Variants in GPC5 observed in about 807,000 individuals in gnomAD.
GPC5 encodes glypican 5.
GPC5 carries 47 observed loss-of-function variants against 53.9 expected under a neutral mutation model. The observed-to-expected ratio is 0.87, with a 90% CI of 0.69 to 1.11. The LOEUF is 1.11. Ranked by LOEUF, GPC5 falls within the 50% of genes most tolerant of loss-of-function variation. GPC5 has a pLI of 0.00. For missense variants in GPC5, 748 were observed against 713.1 expected (o/e 1.05, Z -0.56); for synonymous variants, 286 against 263.3 (o/e 1.09, Z -0.84).
At chr13:91,939,359 T>C (rs928575424) in intron 6 of GPC5, among the ~76,000 whole-genome samples, 3 of 152,184 alleles carry the variant, frequency 2.0e-5, no homozygotes, top group Admixed American at 2.0e-4. Context: ...AGAGTAGTTT[T>C]ACTTACTCTG....
rs563528781 is a variant in GPC5 at position 92,555,406 on chromosome 13, G to A, written c.1562-310876G>A. ...AGATACCTAAAATTACTTAGCAAAA[G>A]TCAAATGTCCATTCATTATTTGGTA... On this transcript the variant is annotated intron_variant, in intron 7 of 7. Coordinates refer to ENST00000377067, the MANE Select transcript of GPC5 (RefSeq NM_004466.6). Among the ~76,000 whole-genome samples, 107 of 151,432 alleles carry A rather than the reference G, an allele frequency of 7.1e-4. 1 individual carries two copies. The highest frequency in any genetic ancestry group is 2.5e-3 in the African/African-American group (102 of 41,446).
intron 1 of GPC5, among the ~76,000 whole-genome samples, chr13:91,418,791 G>T (rs755055871): frequency 6.6e-6 from 1 of 152,084 alleles, no homozygotes; most frequent in Non-Finnish European, 1.5e-5. Flanking sequence ...TTTTCCAGGT[G>T]TGAGATTAGA....
chr13:92,103,768 C>CA (rs1475517929), intron 6 of GPC5, among the ~76,000 whole-genome samples: 1 of 152,180 alleles, frequency 6.6e-6, no homozygotes, highest in Non-Finnish European at 1.5e-5. Context: ...AGGCAGTTTA[C>CA]AACCCTTAGC....
intron 5 of GPC5, among the ~76,000 whole-genome samples, chr13:91,859,961 G>T (rs1328728020): frequency 6.6e-6 from 1 of 151,598 alleles, no homozygotes; most frequent in Non-Finnish European, 1.5e-5. Flanking sequence ...ATATTTGTGG[G>T]TACATAGTGA....
chr13:92,378,043 T>C (rs1261125739), intron 7 of GPC5, among the ~76,000 whole-genome samples: 1 of 152,174 alleles, frequency 6.6e-6, no homozygotes, highest in Non-Finnish European at 1.5e-5. Context: ...TTTTTCTCTT[T>C]CTAATGACTT....
chr13:92,166,949 C>A (rs1483899043), intron 7 of GPC5, among the ~76,000 whole-genome samples: 2 of 58,352 alleles, frequency 3.4e-5, no homozygotes, highest in African/African-American at 1.2e-4. Context: ...CTCTCTCTCT[C>A]TCTCTCTCAC....
At position 92,543,774 on chromosome 13, in the gene GPC5, C is replaced by A. The variant is rs116183802; in HGVS notation, c.1562-322508C>A. Among the ~76,000 whole-genome samples the A allele has an allele frequency of 8.3e-3, 1,266 of 152,040 alleles. 21 individuals are homozygous for A. The highest frequency in any genetic ancestry group is 0.029 in the African/African-American group (1,189 of 41,500). Reference sequence around the variant, plus strand: ...CTAAAATTTTTTATCTAAATATTATCTTTTCAATATATTTGAACTCTTTCT... The same window carrying A: ...CTAAAATTTTTTATCTAAATATTATATTTTCAATATATTTGAACTCTTTCT... On this transcript the variant is annotated intron_variant, in intron 7 of 7. Transcript: ENST00000377067.
intron 6 of GPC5, among the ~76,000 whole-genome samples, chr13:92,062,769 C>T (rs1478033036): frequency 2.0e-5 from 3 of 151,854 alleles, no homozygotes; most frequent in Admixed American, 1.3e-4. Flanking sequence ...GATCTAATTC[C>T]GATCTCATGT....
intron 6 of GPC5, among the ~76,000 whole-genome samples, chr13:92,048,522 A>G (rs969866728): frequency 2.0e-5 from 3 of 152,164 alleles, no homozygotes; most frequent in Non-Finnish European, 4.4e-5. Context: ...TGTCTCCAGG[A>G]ACATCTCTGC....
intron 2 of GPC5, among the ~76,000 whole-genome samples, chr13:91,460,229 A>T (rs912097783): frequency 1.3e-5 from 2 of 152,082 alleles, no homozygotes; most frequent in African/African-American, 4.8e-5. Flanking sequence ...CTCTTCTTAT[A>T]TGAATCAAAT....
intron 7 of GPC5, among the ~76,000 whole-genome samples, chr13:92,831,589 T>C (rs1450397756): frequency 6.6e-6 from 1 of 152,122 alleles, no homozygotes; most frequent in Non-Finnish European, 1.5e-5. Flanking sequence ...GACAAAGACT[T>C]TAATAGTCTT....
intron 2 of GPC5, among the ~76,000 whole-genome samples, chr13:91,626,077 A>G (rs979863288): frequency 1.8e-4 from 27 of 152,148 alleles, no homozygotes; most frequent in Admixed American, 1.3e-4. Flanking sequence ...TCTAAGAAGC[A>G]ATAACTGGTT....
At chr13:92,022,205 T>C (rs959436188) in intron 6 of GPC5, among the ~76,000 whole-genome samples, 4 of 152,156 alleles carry the variant, frequency 2.6e-5, no homozygotes, top group African/African-American at 9.7e-5. Context: ...TTTGCCATGT[T>C]GGCCAGGCTG....
chr13:92,201,576 A>G (rs1566482428), intron 7 of GPC5, among the ~76,000 whole-genome samples: 1 of 151,302 alleles, frequency 6.6e-6, no homozygotes, highest in Admixed American at 6.6e-5. Context: ...ACTCCATTCC[A>G]TTTTTTTTTC....
chr13:91,830,913 ATATATATCCTATTATATAT>A (rs1423453288), intron 5 of GPC5, among the ~76,000 whole-genome samples: 1 of 132,216 alleles, frequency 7.6e-6, no homozygotes, highest in Admixed American at 8.5e-5. Context: ...ATTATATATA[ATATATATCCTATTATATAT>A]TATATATCCT....
chr13:92,342,373 A>T (rs4462462), intron 7 of GPC5, among the ~76,000 whole-genome samples: 3 of 152,266 alleles, frequency 2.0e-5, no homozygotes, highest in Admixed American at 1.3e-4. Flanking sequence ...ATGTTTGTGT[A>T]TGAAGTTCAT....
chr13:91,473,647 A>C (rs951629728), intron 2 of GPC5, among the ~76,000 whole-genome samples: 1 of 152,110 alleles, frequency 6.6e-6, no homozygotes, highest in African/African-American at 2.4e-5. Flanking sequence ...ATCCATCAAC[A>C]CAGCTTCAAA....
At chr13:92,154,464 T>G (rs2041929269) in intron 7 of GPC5, among the ~76,000 whole-genome samples, 1 of 152,212 alleles carries the variant, frequency 6.6e-6, no homozygotes, top group South Asian at 2.1e-4. Flanking sequence ...GATTCTTGAA[T>G]TTTTCTTTAT....
chr13:92,619,683 G>A (rs1369606767), intron 7 of GPC5, among the ~76,000 whole-genome samples: 1 of 152,096 alleles, frequency 6.6e-6, no homozygotes, highest in East Asian at 1.9e-4. Flanking sequence ...TGAGATGTAG[G>A]AGAGATTCTA....
Sources: gnomAD v4.1 joint callset for allele counts (sites outside exome capture counted in the v4.1 genomes callset) on GRCh38, gnomAD v4.1.1 for gene constraint, MANE v1.5 for transcripts, NCBI Gene and HGNC (gene_info 2026-07-23, HGNC 2026-07-21) for gene names.